Variants in ZNF655 observed in about 807,000 individuals in gnomAD.
The protein encoded by ZNF655 is zinc finger protein 655.
In ZNF655, 3 loss-of-function variants were observed where a neutral mutation model predicts 6.6. The ratio of observed to expected loss-of-function variants is 0.46; its 90% CI spans 0.21 to 1.18. ZNF655 has a LOEUF of 1.18. ZNF655 is among the 50% of genes most tolerant of loss of function. The pLI is 0.24. For missense variants in ZNF655, 526 were observed against 572.3 expected, an observed-to-expected ratio of 0.92 and a Z score of 0.83; for synonymous variants, 178 against 195.0, an observed-to-expected ratio of 0.91 and a Z score of 0.73.
chr7:99,571,591 G>T lies in ZNF655; in HGVS notation c.137-654G>T, dbSNP rs150628626. On this transcript the variant is annotated intron_variant, in intron 2 of 2. Coordinates refer to ENST00000252713, the MANE Select transcript of ZNF655 (RefSeq NM_138494.3). ...TCCTAATTAATGTCTTCTCAGAATCGACCTTCTGTCTCTCTTAATCATTAG... is the reference window on the plus strand; with the variant it reads ...TCCTAATTAATGTCTTCTCAGAATCTACCTTCTGTCTCTCTTAATCATTAG... The T allele has an allele frequency of 1.0e-3, 1,067 of 1,063,460 alleles. 7 individuals carry two copies. The highest frequency in any genetic ancestry group is 7.5e-3 in the African/African-American group (466 of 62,392). 65.9% of individuals were successfully genotyped at this position (1,063,460 alleles called of 1,614,324 possible). A position where few individuals can be genotyped will look rare whatever the true frequency, so the allele number is the denominator to read the frequency against.
At chr7:99,563,085 A>G in intron 2 of ZNF655, 2 of 391,658 alleles carry the variant, frequency 5.1e-6, no homozygotes, top group Admixed American at 2.7e-5. Flanking sequence ...CAGAATGGTA[A>G]TCCCACGTAA....
intron 2 of ZNF655, chr7:99,561,914 C>T (rs761049277): frequency 1.3e-6 from 2 of 1,593,226 alleles, no homozygotes; most frequent in Admixed American, 3.5e-5. Flanking sequence ...GGTGCCTGCT[C>T]TTCCCCGTGA....
chr7:99,572,492 C>T lies in ZNF655; in HGVS notation c.384C>T (p.Asn128=), dbSNP rs1204521296. ...AGGAAACCTTCACCAGTGAGAAGAA[C>T]AATGAATGTCATGAACCCGAAAAAA... ...ISKETFTSEK[N]NECHEPEKSF... Residue 128 remains asparagine, a synonymous_variant, in exon 3 of 3, where the codon AAC becomes AAT. Coordinates refer to ENST00000252713, the MANE Select transcript of ZNF655 (RefSeq NM_138494.3). The T allele has an allele frequency of 1.2e-6, 2 of 1,613,850 alleles. No homozygotes were observed. The highest frequency in any genetic ancestry group is 2.2e-5 in the East Asian group (1 of 44,874).
chr7:99,572,266 A>G lies in ZNF655; in HGVS notation c.158A>G (p.Asn53Ser), dbSNP rs1804145699. 3 of 1,607,580 alleles carry G rather than the reference A, an allele frequency of 1.9e-6. No individual in the cohort carries two copies. Among genetic ancestry groups the G allele is most frequent in the Non-Finnish European group, 2.5e-6 (3 of 1,177,614 alleles). Residue 53 changes from asparagine to serine, a missense_variant, in exon 3 of 3, where the codon AAC becomes AGC. Transcript: ENST00000252713. The part of the protein sequence containing the change: ...LTGDGETREE[N>S]KLLIPKQKIS... ...TCAGATGGAGAGACCAGAGAAGAGAACAAGCTGTTGATTCCTAAGCAGAAA... is the reference window on the plus strand; with the variant it reads ...TCAGATGGAGAGACCAGAGAAGAGAGCAAGCTGTTGATTCCTAAGCAGAAA...
chr7:99,562,565 G>C, intron 2 of ZNF655: 1 of 1,529,968 alleles, frequency 6.5e-7, no homozygotes, highest in South Asian at 1.3e-5. Context: ...CTAAGTATAA[G>C]GTCTCTGAGA....
intron 2 of ZNF655, among the ~76,000 whole-genome samples, chr7:99,565,269 T>A (rs1803536750): frequency 6.6e-6 from 1 of 152,020 alleles, no homozygotes; most frequent in South Asian, 2.1e-4. Context: ...CCCGGCTTCA[T>A]GCCATTCTCC....
chr7:99,573,667 G>A lies in ZNF655; in HGVS notation c.*83G>A. 1 of 1,468,418 alleles carries A rather than the reference G, an allele frequency of 6.8e-7. No individual in the cohort carries two copies. Among genetic ancestry groups the A allele is most frequent in the South Asian group, 1.3e-5 (1 of 75,524 alleles). 91.0% of individuals were successfully genotyped at this position (1,468,418 alleles called of 1,614,324 possible). ...TTCACACCAGGGAGAAATCATGTAT[G>A]TACTGCATGTGGTAAAGCCTTCAGT... On this transcript the variant is annotated 3_prime_UTR_variant, in exon 3 of 3. Transcript: ENST00000252713.
At chr7:99,569,900 C>A (rs1803905695) in intron 2 of ZNF655, among the ~76,000 whole-genome samples, 1 of 152,088 alleles carries the variant, frequency 6.6e-6, no homozygotes, top group Non-Finnish European at 1.5e-5. Context: ...TTTAGTGCAC[C>A]TGTCACTGGA....
At position 99,572,711 on chromosome 7, in the gene ZNF655, A is replaced by G. The variant is rs768917371; in HGVS notation, c.603A>G (p.Lys201=). The change falls in exon 3 of 3, where the codon AAA becomes AAG. Residue 201 remains lysine (K), a synonymous_variant. Coordinates refer to ENST00000252713, the MANE Select transcript of ZNF655 (RefSeq NM_138494.3). ...TAATGGATCTCTCCCACCTTAATAAATGGGAGAGCATCCCTAACACTGAGA... is the reference window on the plus strand; with the variant it reads ...TAATGGATCTCTCCCACCTTAATAAGTGGGAGAGCATCCCTAACACTGAGA... ...ESLMDLSHLN[K]WESIPNTEKS... is the part of the protein sequence containing the mutation. 4.3e-6 allele frequency: 7 copies of G among 1,613,296 alleles called. No homozygotes were observed. In the East Asian group the frequency reaches 1.1e-4, roughly 26 times the overall value.
At chr7:99,567,276 G>A (rs367896398) in intron 2 of ZNF655, among the ~76,000 whole-genome samples, 7 of 152,322 alleles carry the variant, frequency 4.6e-5, no homozygotes, top group African/African-American at 1.7e-4. Context: ...GCTCACACAT[G>A]TAATCCCAGC....
chr7:99,560,737 C>T lies in ZNF655; in HGVS notation c.136+42C>T, dbSNP rs754287821. On this transcript the variant is annotated intron_variant, in intron 2 of 2. Transcript: ENST00000252713. Reference sequence around the variant, plus strand: ...ACTTCCGTCTGGGAGAGTGGGAGTGCGGAGGGGCTCCCGAGGGGGCTCCTG... The same window carrying T: ...ACTTCCGTCTGGGAGAGTGGGAGTGTGGAGGGGCTCCCGAGGGGGCTCCTG... 44 of 1,599,604 alleles carry T rather than the reference C, an allele frequency of 2.8e-5. No individual in the cohort carries two copies. The Admixed American group carries it at 3.4e-4, about 12-fold the overall frequency.
chr7:99,573,792 G>A lies in ZNF655; in HGVS notation c.*208G>A, dbSNP rs1247990806. ...AGGTATTAGTGTTAAACTCTTAATC[G>A]ACTCCTGCAAATCTATACCAGTGAG... On this transcript the variant is annotated 3_prime_UTR_variant, in exon 3 of 3. Transcript: ENST00000252713. 4 of 577,476 alleles carry A rather than the reference G, an allele frequency of 6.9e-6. No individual in the cohort carries two copies. Among genetic ancestry groups the A allele is most frequent in the African/African-American group, 1.9e-5 (1 of 53,706 alleles). The allele number at this position is 577,476 out of a possible 1,614,324, so 35.8% of individuals were successfully genotyped here.
intron 2 of ZNF655, chr7:99,571,369 T>G (rs1584264025): frequency 8.0e-7 from 1 of 1,251,390 alleles, no homozygotes; most frequent in Admixed American, 2.7e-5. Flanking sequence ...AATCCGAAGA[T>G]TAATCTTTAG....
chr7:99,560,601 G>C lies in ZNF655; in HGVS notation c.42G>C (p.Arg14Ser). 1 of 1,614,158 alleles carries C rather than the reference G, an allele frequency of 6.2e-7. No homozygotes were observed. The highest frequency in any genetic ancestry group is 8.5e-7 in the Non-Finnish European group (1 of 1,180,018). ...IPAQEAAGSP[R>S]VQFQSLETQS... The stretch of plus-strand genomic sequence containing the variant: ...CCCAGGAAGCAGCAGGGTCACCAAG[G>C]GTCCAGTTTCAGTCTTTGGAGACCC... Residue 14 changes from arginine (R) to serine (S), a missense_variant, in exon 2 of 3, where the codon AGG becomes AGC. By Grantham distance (110) the Arg-to-Ser change is moderately radical (BLOSUM62 -1). Transcript: ENST00000252713.
At chr7:99,560,867 C>T in intron 2 of ZNF655, 172 bp downstream of exon 2, 1 of 640,538 alleles carries the variant, frequency 1.6e-6, no homozygotes. Flanking sequence ...GTCTGAGCCC[C>T]TTTATTAAGG....
At chr7:99,571,503 C>A in intron 2 of ZNF655, 1 of 1,178,466 alleles carries the variant, frequency 8.5e-7, no homozygotes, top group South Asian at 1.6e-5. Flanking sequence ...CCTTAACACA[C>A]ATCCCTCTAG....
rs1353252498 is a variant in ZNF655, at chr7:99,573,131, T to C, written c.1023T>C (p.His341=). The change falls in exon 3 of 3, where the codon CAT becomes CAC. Residue 341 remains histidine, a synonymous_variant. Coordinates refer to ENST00000252713, the MANE Select transcript of ZNF655 (RefSeq NM_138494.3). The part of the protein sequence containing the change: ...KCTVCGSDFC[H]TSYLLEHQRV... Reference sequence around the variant, plus strand: ...CTGTATGTGGCAGTGACTTCTGCCATACTTCATACCTACTTGAACATCAGA... The same window carrying C: ...CTGTATGTGGCAGTGACTTCTGCCACACTTCATACCTACTTGAACATCAGA... 2.5e-6 allele frequency: 4 copies of C among 1,614,140 alleles called. No individual in the cohort carries two copies. The South Asian group carries it at 3.3e-5, about 13-fold the overall frequency.
intron 2 of ZNF655, chr7:99,563,716 C>G: frequency 1.3e-6 from 1 of 743,460 alleles, no homozygotes; most frequent in Non-Finnish European, 2.1e-6. Flanking sequence ...TTTCCGTTGG[C>G]TTTGTCTATG....
intron 2 of ZNF655, chr7:99,563,265 G>A (rs909509254): frequency 5.4e-5 from 21 of 386,872 alleles, no homozygotes; most frequent in Middle Eastern, 4.3e-4. Context: ...AGCTCCCTTG[G>A]TGTGAGCATT....
Sources: gnomAD v4.1 joint callset for allele counts (sites outside exome capture counted in the v4.1 genomes callset) on GRCh38, gnomAD v4.1.1 for gene constraint, MANE v1.5 for transcripts, NCBI Gene and HGNC (gene_info 2026-07-23, HGNC 2026-07-21) for gene names.